Variants in CHADL observed in about 807,000 individuals in gnomAD.
CHADL encodes chondroadherin-like protein.
A neutral mutation model predicts 52.1 loss-of-function variants in CHADL; 48 were observed. The observed-to-expected ratio is 0.92, with a 90% CI of 0.73 to 1.17. The LOEUF is 1.17. Among genes scored for constraint, CHADL ranks in the 50% most tolerant of loss-of-function variants. The pLI is 0.00. For synonymous variants in CHADL, 498 were observed against 511.2 expected (o/e 0.97, Z 0.35); for missense variants, 977 against 1,035.1 (o/e 0.94, Z 0.77).
chr22:41,229,696 C>G lies in CHADL; in HGVS notation c.*8G>C, dbSNP rs1475306193. Reference sequence around the variant, plus strand: ...GCTGGGTCAAGGCAGGACCAGCCTGCTCCGTGCTCAGAGACGACCCTTCTC... The same window carrying G: ...GCTGGGTCAAGGCAGGACCAGCCTGGTCCGTGCTCAGAGACGACCCTTCTC... On this transcript the variant is annotated 3_prime_UTR_variant, in exon 6 of 6. Transcript: ENST00000216241. 2 of 1,612,786 alleles carry G rather than the reference C, an allele frequency of 1.2e-6. No homozygotes were observed. Among genetic ancestry groups the G allele is most frequent in the Non-Finnish European group, 1.7e-6 (2 of 1,180,010 alleles).
chr22:41,233,030 C>T (rs2032658203), intron 5 of CHADL, among the ~76,000 whole-genome samples: 1 of 152,106 alleles, frequency 6.6e-6, no homozygotes, highest in African/African-American at 2.4e-5. Flanking sequence ...GACTTGTGCC[C>T]ATCCCAAAAG....
rs1193287714 is a variant in CHADL at position 41,237,635 on chromosome 22, G to C, written c.1437C>G (p.Tyr479Ter). 1.9e-6 allele frequency: 3 copies of C among 1,549,882 alleles called. No individual in the cohort carries two copies. In the East Asian group the frequency reaches 7.3e-5, roughly 38 times the overall value. ...GGCCTGCGAGCTGGTTGTCGGAGAG[G>C]TACAGGTAGATCAGGCGGCCCAGCC... ...LAGLGRLIYL[Y>*]LSDNQLAGLS... The change falls in exon 3 of 6, where the codon TAC becomes TAG. Residue 479 changes from tyrosine to a stop codon, truncating the protein, a stop_gained. Coordinates refer to ENST00000216241, the MANE Select transcript of CHADL (RefSeq NM_138481.2). LOFTEE classifies it high-confidence loss of function.
rs377505983 is a variant in CHADL, at chr22:41,229,682, G to A, written c.*22C>T. On this transcript the variant is annotated 3_prime_UTR_variant, in exon 6 of 6. Coordinates refer to ENST00000216241, the MANE Select transcript of CHADL (RefSeq NM_138481.2). ...GTAAGAGCCACCGGGCTGGGTCAAGGCAGGACCAGCCTGCTCCGTGCTCAG... is the reference window on the plus strand; with the variant it reads ...GTAAGAGCCACCGGGCTGGGTCAAGACAGGACCAGCCTGCTCCGTGCTCAG... 6.2e-7 allele frequency: 1 copy of A among 1,612,812 alleles called. No homozygotes were observed. Among genetic ancestry groups the A allele is most frequent in the African/African-American group, 1.3e-5 (1 of 74,866 alleles).
At chr22:41,236,874 C>A (rs747447790) in intron 3 of CHADL, among the ~76,000 whole-genome samples, 30 of 152,338 alleles carry the variant, frequency 2.0e-4, no homozygotes, top group Non-Finnish European at 4.0e-4. Context: ...CCCCACCACC[C>A]AATAATGGCA....
In CHADL at chr22:41,238,055, C is replaced by T; in HGVS notation, c.1017G>A (p.Pro339=). The change falls in exon 3 of 6, where the codon CCG becomes CCA. Residue 339 remains proline (P), a synonymous_variant. Coordinates refer to ENST00000216241, the MANE Select transcript of CHADL (RefSeq NM_138481.2). This position sits in a 1 kb window ranked among gnomAD's most constrained non-coding sequence, Gnocchi z 4.9. ...RVRSDGACQG[P]RRLRGEALDA... Reference sequence around the variant, plus strand: ...CCAGAGCCTCGCCCCGCAGGCGCCGCGGCCCCTGGCACGCGCCGTCCGAGC... The same window carrying T: ...CCAGAGCCTCGCCCCGCAGGCGCCGTGGCCCCTGGCACGCGCCGTCCGAGC... The T allele has an allele frequency of 6.3e-6, 8 of 1,272,730 alleles. No individual in the cohort carries two copies. Among genetic ancestry groups the T allele is most frequent in the South Asian group, 2.9e-5 (1 of 34,980 alleles). The allele number at this position is 1,272,730 out of a possible 1,614,324, so 78.8% of individuals were successfully genotyped here. A position where few individuals can be genotyped will look rare whatever the true frequency, so the allele number is the denominator to read the frequency against.
chr22:41,239,604 G>A lies in CHADL; in HGVS notation c.25C>T (p.His9Tyr), dbSNP rs1278528189. 2.0e-6 allele frequency: 3 copies of A among 1,536,724 alleles called. No individual in the cohort carries two copies. In the African/African-American group the frequency reaches 4.1e-5, roughly 21 times the overall value. ...AGAAGCGGCAGCACCAAGGGGACAT[G>A]GGTGGAGCTCCGGGGCCTGGGACGG... MEGPRSST[H>Y]VPLVLPLLVL... is the part of the protein sequence containing the mutation. Residue 9 changes from histidine to tyrosine, a missense_variant, in exon 2 of 6, where the codon CAT becomes TAT. By Grantham distance (83) the His-to-Tyr change is moderately conservative. Transcript: ENST00000216241.
chr22:41,237,133 G>C (rs2145636105), intron 3 of CHADL, 43 bp downstream of exon 3: 1 of 1,493,376 alleles, frequency 6.7e-7, no homozygotes, highest in Non-Finnish European at 9.0e-7. Context: ...CTGTGGCCTT[G>C]TGCCGCCTCC....
chr22:41,237,137 C>T (rs774118387), intron 3 of CHADL, 39 bp downstream of exon 3: 11 of 1,496,998 alleles, frequency 7.3e-6, no homozygotes, highest in African/African-American at 1.4e-5. Flanking sequence ...GGCCTTGTGC[C>T]GCCTCCTGCA....
chr22:41,229,871 C>G, intron 5 of CHADL, 141 bp from the exon 6 acceptor site: 1 of 774,698 alleles, frequency 1.3e-6, no homozygotes, highest in Non-Finnish European at 2.2e-6. Flanking sequence ...GGCCCCGGCC[C>G]CTCCTCCTCC....
Position 41,236,670 on chromosome 22 carries a change from C to T in CHADL, c.1897-20G>A, listed in dbSNP as rs765694807. ...ACAAATCTGCAAGGAGTTGCCAGGC[C>T]CCAATGTGAGCTCCTGGCAGAGCTG... On this transcript the variant is annotated intron_variant, in intron 3 of 5. Coordinates refer to ENST00000216241, the MANE Select transcript of CHADL (RefSeq NM_138481.2). The T allele has an allele frequency of 6.4e-5, 98 of 1,540,110 alleles. No homozygotes were observed. In the African/African-American group the frequency reaches 1.3e-3, roughly 21 times the overall value.
intron 5 of CHADL, among the ~76,000 whole-genome samples, chr22:41,234,038 A>G (rs2032687299): frequency 6.6e-6 from 1 of 152,084 alleles, no homozygotes; most frequent in African/African-American, 2.4e-5. Context: ...AGGATGGTGA[A>G]TGTACTATCA....
Position 41,238,603 on chromosome 22 carries a change from G to C in CHADL, c.469C>G (p.Leu157Val). Residue 157 changes from leucine to valine, a missense_variant, in exon 3 of 6, where the codon CTG (leucine) becomes GTG (valine). By Grantham distance (32) the Leu-to-Val change is conservative (BLOSUM62 1). Coordinates refer to ENST00000216241, the MANE Select transcript of CHADL (RefSeq NM_138481.2). The surrounding 1 kb of genome is among the most constrained non-coding windows in gnomAD (Gnocchi z 4.9). ...EELRPGTFGA[L>V]GALATLNLAH... ...AGGTTTAGCGTGGCCAGCGCACCCA[G>C]TGCCCCGAACGTCCCCGGCCGCAGC... The C allele has an allele frequency of 6.5e-7, 1 of 1,545,276 alleles. No homozygotes were observed. The highest frequency in any genetic ancestry group is 8.7e-7 in the Non-Finnish European group (1 of 1,146,544).
intron 5 of CHADL, among the ~76,000 whole-genome samples, chr22:41,234,401 G>A (rs199579093): frequency 0.076 from 6,806 of 89,738 alleles, 406 homozygotes; most frequent in African/African-American, 0.23. Context: ...TATTATTATT[G>A]AGACGGAGTC....
In CHADL at chr22:41,235,154, T is replaced by A; in HGVS notation, c.2253A>T (p.Gly751=). ...RRTPIKGRQC[G]ADKVGKEKGR... ...CTGCCCCATGGCCAACCTTATCTGC[T>A]CCACACTGTCTTCCTTTGATGGGGG... Residue 751 remains glycine (G), a synonymous_variant, in exon 5 of 6, where the codon GGA becomes GGT. Coordinates refer to ENST00000216241, the MANE Select transcript of CHADL (RefSeq NM_138481.2). 1 of 1,551,332 alleles carries A rather than the reference T, an allele frequency of 6.4e-7. No homozygotes were observed. Among genetic ancestry groups the A allele is most frequent in the Non-Finnish European group, 8.7e-7 (1 of 1,146,990 alleles).
intron 3 of CHADL, 84 bp from the exon 4 acceptor site, chr22:41,236,734 C>T: frequency 7.5e-7 from 1 of 1,336,456 alleles, no homozygotes; most frequent in Non-Finnish European, 1.0e-6. Context: ...CATCTTCCCT[C>T]AGCAGAAGAG....
chr22:41,238,079 G>C lies in CHADL; in HGVS notation c.993C>G (p.Arg331=). 7.8e-7 allele frequency: 1 copy of C among 1,285,556 alleles called. No homozygotes were observed. Among genetic ancestry groups the C allele is most frequent in the Non-Finnish European group, 9.8e-7 (1 of 1,025,484 alleles). 79.6% of individuals were successfully genotyped at this position (1,285,556 alleles called of 1,614,324 possible). A position where few individuals can be genotyped will look rare whatever the true frequency, so the allele number is the denominator to read the frequency against. ...LLEWLARARV[R]SDGACQGPRR... ...GCGGCCCCTGGCACGCGCCGTCCGAGCGCACGCGCGCCCGCGCCAGCCACT... is the reference window on the plus strand; with the variant it reads ...GCGGCCCCTGGCACGCGCCGTCCGACCGCACGCGCGCCCGCGCCAGCCACT... The change falls in exon 3 of 6, where the codon CGC becomes CGG. Residue 331 remains arginine (R), a synonymous_variant. Coordinates refer to ENST00000216241, the MANE Select transcript of CHADL (RefSeq NM_138481.2). This position sits in a 1 kb window ranked among gnomAD's most constrained non-coding sequence, Gnocchi z 4.9.
Position 41,238,622 on chromosome 22 carries a change from C to T in CHADL, c.450G>A (p.Arg150=). The T allele has an allele frequency of 1.9e-6, 3 of 1,544,488 alleles. No homozygotes were observed. The highest frequency in any genetic ancestry group is 2.6e-6 in the Non-Finnish European group (3 of 1,146,504). Reference sequence around the variant, plus strand: ...CACCCAGTGCCCCGAACGTCCCCGGCCGCAGCTCCTCCAGTGCGTTCCCCT... The same window carrying T: ...CACCCAGTGCCCCGAACGTCCCCGGTCGCAGCTCCTCCAGTGCGTTCCCCT... ...ELEGNALEEL[R]PGTFGALGAL... The change falls in exon 3 of 6, where the codon CGG becomes CGA. Residue 150 remains arginine, a synonymous_variant. Transcript: ENST00000216241. The surrounding 1 kb of genome is among the most constrained non-coding windows in gnomAD (Gnocchi z 4.9).
chr22:41,233,204 G>A (rs1186246202), intron 5 of CHADL, among the ~76,000 whole-genome samples: 1 of 152,152 alleles, frequency 6.6e-6, no homozygotes, highest in Non-Finnish European at 1.5e-5. Context: ...GCTCACACCT[G>A]TAATCCCAGC....
chr22:41,235,207 G>T lies in CHADL; in HGVS notation c.2200C>A (p.Pro734Thr). The change falls in exon 5 of 6, where the codon CCA (proline) becomes ACA (threonine). Residue 734 changes from proline to threonine, a missense_variant. Transcript: ENST00000216241. ...CTCCTGGCACTGGGCCTGGAGGCTG[G>T]TGTCCGCTTGGCCTTTCTGGCAGCC... ...GWAARKAKRT[P>T]ASRPSARRTP... is the part of the protein sequence containing the mutation. 2 of 1,551,508 alleles carry T rather than the reference G, an allele frequency of 1.3e-6. No homozygotes were observed. The highest frequency in any genetic ancestry group is 1.2e-5 in the South Asian group (1 of 84,068).
Sources: gnomAD v4.1 joint callset for allele counts (sites outside exome capture counted in the v4.1 genomes callset) on GRCh38, gnomAD v4.1.1 for gene constraint, Gnocchi (gnomAD v3.1) non-coding constraint, MANE v1.5 for transcripts, NCBI Gene and HGNC (gene_info 2026-07-23, HGNC 2026-07-21) for gene names.